Variants in TANC2 observed in about 807,000 individuals in gnomAD.
The protein encoded by TANC2 is protein TANC2.
TANC2 carries 26 observed loss-of-function variants against 210.5 expected under a neutral mutation model. That is an observed-to-expected ratio of 0.12 (90% CI 0.09 to 0.17). The LOEUF is 0.17. Among genes scored for constraint, TANC2 ranks in the 10% least tolerant of loss-of-function variants. The pLI, the probability that TANC2 is intolerant of heterozygous loss-of-function variation, is 1.00. For missense variants in TANC2, 2,129 were observed against 2,608.9 expected (o/e 0.82, Z 4.01); for synonymous variants, 931 against 967.1 (o/e 0.96, Z 0.69).
intron 25 of TANC2, among the ~76,000 whole-genome samples, chr17:63,413,888 G>A (rs1009696854): frequency 2.6e-5 from 4 of 152,052 alleles, no homozygotes; most frequent in Non-Finnish European, 5.9e-5. Flanking sequence ...TGGTTTTGTC[G>A]ATTTTTACAT....
intron 5 of TANC2, chr17:63,153,639 T>G (rs1313135342): frequency 6.6e-6 from 1 of 152,116 alleles, no homozygotes; most frequent in African/African-American, 2.4e-5. Context: ...ACCAATTGGG[T>G]TACAGGGCTG....
At chr17:63,159,659 A>G (rs1253993644) in intron 5 of TANC2, among the ~76,000 whole-genome samples, 1 of 149,786 alleles carries the variant, frequency 6.7e-6, no homozygotes, top group African/African-American at 2.6e-5. Context: ...TAGCATTTAC[A>G]TTGCATATGG....
At chr17:63,111,674 A>G (rs9906570) in intron 4 of TANC2, among the ~76,000 whole-genome samples, 48 of 152,216 alleles carry the variant, frequency 3.2e-4, no homozygotes, top group South Asian at 1.9e-3. Context: ...TGATATGGCA[A>G]TATTTTTTTA....
At chr17:63,301,202 G>A (rs943650837) in intron 9 of TANC2, among the ~76,000 whole-genome samples, 11 of 152,066 alleles carry the variant, frequency 7.2e-5, no homozygotes, top group Admixed American at 2.0e-4. Context: ...GAGGATTTTC[G>A]CATTGATGTT....
chr17:63,032,764 A>T (rs1261026950), intron 2 of TANC2, among the ~76,000 whole-genome samples: 1 of 152,176 alleles, frequency 6.6e-6, no homozygotes, highest in African/African-American at 2.4e-5. Flanking sequence ...GTGTTCCATT[A>T]AACAATTCTC....
At chr17:63,080,318 A>G (rs1409438886) in intron 3 of TANC2, among the ~76,000 whole-genome samples, 4 of 152,188 alleles carry the variant, frequency 2.6e-5, no homozygotes, top group Non-Finnish European at 5.9e-5. Flanking sequence ...GTGATCATAT[A>G]TATGTAAGCA....
intron 2 of TANC2, among the ~76,000 whole-genome samples, chr17:63,043,973 T>A (rs1365379160): frequency 1.3e-5 from 2 of 152,304 alleles, no homozygotes; most frequent in East Asian, 1.9e-4. Flanking sequence ...GAACTTTGTC[T>A]TCTCTTTACT....
chr17:62,978,968 C>A (rs1170944939), intron 1 of TANC2: 1 of 152,166 alleles, frequency 6.6e-6, no homozygotes, highest in Non-Finnish European at 1.5e-5. Context: ...ATGTATATGG[C>A]ATAATTTCCT....
At chr17:63,068,274 C>T (rs1029065447) in intron 2 of TANC2, among the ~76,000 whole-genome samples, 7 of 152,032 alleles carry the variant, frequency 4.6e-5, no homozygotes, top group Non-Finnish European at 8.8e-5. Flanking sequence ...GATACCAATT[C>T]GCGTTGTTTA....
intron 2 of TANC2, among the ~76,000 whole-genome samples, chr17:63,065,503 C>T (rs1322927347): frequency 2.0e-5 from 3 of 152,158 alleles, no homozygotes; most frequent in African/African-American, 4.8e-5. Flanking sequence ...TTTCTATAAT[C>T]GCTGTACTAA....
chr17:63,138,495 C>T (rs2039171958), intron 4 of TANC2, among the ~76,000 whole-genome samples: 1 of 152,056 alleles, frequency 6.6e-6, no homozygotes, highest in African/African-American at 2.4e-5. Flanking sequence ...TGTATTAGTG[C>T]TAATAGCCCT....
intron 4 of TANC2, among the ~76,000 whole-genome samples, chr17:63,119,009 C>T (rs1172172144): frequency 1.3e-5 from 2 of 152,076 alleles, no homozygotes; most frequent in East Asian, 3.9e-4. Context: ...GTCTCGATCT[C>T]CTGACCCCGT....
chr17:63,196,672 T>G (rs1430401784), intron 6 of TANC2, among the ~76,000 whole-genome samples: 3 of 152,184 alleles, frequency 2.0e-5, no homozygotes, highest in African/African-American at 2.4e-5. Flanking sequence ...ATTTGTGTTC[T>G]AGTTCCAACT....
chr17:63,334,644 G>C (rs1348636302), intron 11 of TANC2, among the ~76,000 whole-genome samples: 4 of 152,134 alleles, frequency 2.6e-5, no homozygotes, highest in African/African-American at 9.7e-5. Flanking sequence ...GGAGAAACAG[G>C]ATTTGCATAG....
chr17:63,104,274 T>A (rs1003479804), intron 4 of TANC2, among the ~76,000 whole-genome samples: 1 of 152,158 alleles, frequency 6.6e-6, no homozygotes, highest in Non-Finnish European at 1.5e-5. Context: ...TCCAAGATGC[T>A]TTCCCATAGT....
At chr17:63,004,713 T>C in intron 1 of TANC2, 1 of 324,986 alleles carries the variant, frequency 3.1e-6, no homozygotes, top group Non-Finnish European at 6.0e-6. Flanking sequence ...CACACTTCAC[T>C]TGGTATCTCC....
chr17:63,133,245 T>C (rs1290022483), intron 4 of TANC2, among the ~76,000 whole-genome samples: 1 of 152,022 alleles, frequency 6.6e-6, no homozygotes, highest in Non-Finnish European at 1.5e-5. Flanking sequence ...GTGCTGGGAT[T>C]ACAGGTGTGT....
At chr17:63,392,895 T>C (rs2048027271) in intron 17 of TANC2, among the ~76,000 whole-genome samples, 1 of 152,190 alleles carries the variant, frequency 6.6e-6, no homozygotes, top group Non-Finnish European at 1.5e-5. Flanking sequence ...CTATATATCC[T>C]CCATTCAGCT....
chr17:63,154,288 T>C (rs919044854), intron 5 of TANC2: 2 of 152,182 alleles, frequency 1.3e-5, no homozygotes, highest in African/African-American at 4.8e-5. Context: ...TGTTCAGCTC[T>C]TGAAGTGGAC....
Sources: allele counts gnomAD v4.1 joint callset (sites outside exome capture counted in the v4.1 genomes callset), GRCh38; gene constraint gnomAD v4.1.1; transcripts MANE v1.5; gene names NCBI Gene and HGNC (gene_info 2026-07-23, HGNC 2026-07-21).